The following ZC3H14 variants were observed in gnomAD, a reference collection of about 807,000 sequenced individuals.
The protein encoded by ZC3H14 is zinc finger CCCH domain-containing protein 14.
A neutral mutation model predicts 92.4 loss-of-function variants in ZC3H14; 31 were observed. That is an observed-to-expected ratio of 0.34 (90% CI 0.25 to 0.45). The LOEUF is 0.45. Among genes scored for constraint, ZC3H14 ranks in the 20% least tolerant of loss-of-function variants. The pLI is 1.00. For missense variants in ZC3H14, 781 were observed against 897.3 expected (o/e 0.87, Z 1.66); for synonymous variants, 321 against 300.9 (o/e 1.07, Z -0.69).
intron 9 of ZC3H14, chr14:88,594,555 CT>C: frequency 1.4e-6 from 2 of 1,455,602 alleles, no homozygotes; most frequent in Non-Finnish European, 9.0e-7. Context: ...ACAACCCCAT[CT>C]TTTGAATTAC....
At position 88,620,917 on chromosome 14, in the gene ZC3H14, T is replaced by C; in HGVS notation, c.*9166T>C. On this transcript the variant is annotated 3_prime_UTR_variant, in exon 17 of 17. Coordinates refer to ENST00000251038, the MANE Select transcript of ZC3H14 (RefSeq NM_024824.5). This position sits in a 1 kb window ranked among gnomAD's most constrained non-coding sequence, Gnocchi z 4.3. ...GCAGCATGTCCCAAATTCACTTTGTTTAACATCTTCTGCATTTAAAAAAAA... is the reference window on the plus strand; with the variant it reads ...GCAGCATGTCCCAAATTCACTTTGTCTAACATCTTCTGCATTTAAAAAAAA... 2 of 1,503,660 alleles carry C rather than the reference T, an allele frequency of 1.3e-6. No individual in the cohort carries two copies. Among genetic ancestry groups the C allele is most frequent in the Non-Finnish European group, 1.8e-6 (2 of 1,133,938 alleles). 93.1% of individuals were successfully genotyped at this position (1,503,660 alleles called of 1,614,324 possible). A position where few individuals can be genotyped will look rare whatever the true frequency, so the allele number is the denominator to read the frequency against.
chr14:88,600,045 CA>C (rs994357521), intron 10 of ZC3H14, among the ~76,000 whole-genome samples: 1 of 152,238 alleles, frequency 6.6e-6, no homozygotes, highest in African/African-American at 2.4e-5. Context: ...ACCTACAGGT[CA>C]AATCTGAATT....
intron 13 of ZC3H14, among the ~76,000 whole-genome samples, chr14:88,607,640 C>G (rs1452477604): frequency 7.0e-6 from 1 of 142,304 alleles, no homozygotes; most frequent in Non-Finnish European, 1.5e-5. Flanking sequence ...CAAGTGAGTA[C>G]CATCCCTGCA....
intron 12 of ZC3H14, among the ~76,000 whole-genome samples, chr14:88,604,981 A>G (rs1566973175): frequency 1.3e-5 from 2 of 152,216 alleles, no homozygotes; most frequent in Admixed American, 6.5e-5. Flanking sequence ...GCCAGTGAAG[A>G]CTAGGGGCAT....
chr14:88,577,464 T>C (rs1347797298), intron 8 of ZC3H14, among the ~76,000 whole-genome samples: 1 of 151,780 alleles, frequency 6.6e-6, no homozygotes, highest in Non-Finnish European at 1.5e-5. Context: ...GGATATTGTT[T>C]ACATATGTTT....
In ZC3H14 at chr14:88,563,067, G is replaced by A. The variant is rs1284361095; in HGVS notation, c.-67G>A. 9 of 1,539,318 alleles carry A rather than the reference G, an allele frequency of 5.8e-6. No individual in the cohort carries two copies. Among genetic ancestry groups the A allele is most frequent in the Middle Eastern group, 2.0e-4 (1 of 4,904 alleles). ...CGGTGGTGTCCCGGCTGCGGGGTAGGAGTCCGCGGCAGCCTCCGGGTAAGC... is the reference window on the plus strand; with the variant it reads ...CGGTGGTGTCCCGGCTGCGGGGTAGAAGTCCGCGGCAGCCTCCGGGTAAGC... On this transcript the variant is annotated 5_prime_UTR_variant, in exon 1 of 17. Coordinates refer to ENST00000251038, the MANE Select transcript of ZC3H14 (RefSeq NM_024824.5).
rs775523031 is a variant in ZC3H14 at position 88,607,267 on chromosome 14, C to T, written c.1772C>T (p.Ala591Val). 14 of 1,613,918 alleles carry T rather than the reference C, an allele frequency of 8.7e-6. No individual in the cohort carries two copies. The highest frequency in any genetic ancestry group is 1.1e-5 in the Non-Finnish European group (13 of 1,179,972). ...GCTGAGATGAGTGAACTGAGTGTGG[C>T]ACAGAAACCAGAAAAACTTTTGGAG... Reference protein sequence around the residue: ...SNAEMSELSVAQKPEKLLERC... With the variant: ...SNAEMSELSVVQKPEKLLERC... The change falls in exon 13 of 17, where the codon GCA becomes GTA. Residue 591 changes from alanine (A) to valine (V), a missense_variant. Ala to Val is a moderately conservative substitution (Grantham distance 64). This residue lies in a region of ZC3H14 where 221 missense variants were observed against 304.7 expected (regional missense o/e 0.73). Transcript: ENST00000251038.
rs1296969481 is a variant in ZC3H14, at chr14:88,626,595, C to T, written c.*14844C>T. The T allele has an allele frequency of 1.3e-5, 6 of 470,696 alleles. No homozygotes were observed. Among genetic ancestry groups the T allele is most frequent in the East Asian group, 3.9e-5 (1 of 25,634 alleles). The allele number at this position is 470,696 out of a possible 1,614,324, so 29.2% of individuals were successfully genotyped here. A position where few individuals can be genotyped will look rare whatever the true frequency, so the allele number is the denominator to read the frequency against. On this transcript the variant is annotated 3_prime_UTR_variant, in exon 17 of 17. Coordinates refer to ENST00000251038, the MANE Select transcript of ZC3H14 (RefSeq NM_024824.5). ...TCGCACCATTGCACCCCAGCCCAGG[C>T]GACAGAGTGAGATACTGTGTCAAAA...
intron 9 of ZC3H14, among the ~76,000 whole-genome samples, chr14:88,581,402 T>TA (rs1267805240): frequency 2.0e-5 from 3 of 151,798 alleles, no homozygotes; most frequent in Admixed American, 6.6e-5. Context: ...CTACTAAAAA[T>TA]ACAAAAAAAT....
chr14:88,603,746 TACTC>T (rs2084948208), intron 12 of ZC3H14, among the ~76,000 whole-genome samples: 2 of 152,228 alleles, frequency 1.3e-5, no homozygotes, highest in Admixed American at 6.5e-5. Context: ...GAGGGATAAT[TACTC>T]AATCTTAAAA....
At chr14:88,578,171 C>G in intron 9 of ZC3H14, 31 bp downstream of exon 9, 3 of 1,611,556 alleles carry the variant, frequency 1.9e-6, no homozygotes, top group Non-Finnish European at 2.5e-6. Flanking sequence ...TCACTCTTTA[C>G]TACAGTTTTT....
In ZC3H14 at chr14:88,563,311, T is replaced by C. The variant is rs1378410911; in HGVS notation, c.36+142T>C. ...CCTGGCGGGCTGCGGCTCCTCCTCG[T>C]CCAGGCCGCCTCGGCCCTGGGGACA... On this transcript the variant is annotated intron_variant, in intron 1 of 16. Transcript: ENST00000251038. The C allele has an allele frequency of 3.9e-6, 6 of 1,520,920 alleles. No individual in the cohort carries two copies. The African/African-American group carries it at 8.3e-5, about 21-fold the overall frequency. 94.2% of individuals were successfully genotyped at this position (1,520,920 alleles called of 1,614,324 possible).
At chr14:88,607,905 T>TAC (rs2085795733) in intron 13 of ZC3H14, among the ~76,000 whole-genome samples, 1 of 40,860 alleles carries the variant, frequency 2.4e-5, no homozygotes, top group African/African-American at 9.9e-5. Context: ...CCTGCAAGTA[T>TAC]CATCCCCCAC....
chr14:88,627,566 A>G lies in ZC3H14; in HGVS notation c.*15815A>G. On this transcript the variant is annotated 3_prime_UTR_variant, in exon 17 of 17. Transcript: ENST00000251038. ...AATGATTGTTTCAACCACCAACTTT[A>G]AGACAAATATTAAATACAGAATTCC... 7.1e-7 allele frequency: 1 copy of G among 1,407,352 alleles called. No homozygotes were observed. Among genetic ancestry groups the G allele is most frequent in the South Asian group, 1.4e-5 (1 of 69,244 alleles). 87.2% of individuals were successfully genotyped at this position (1,407,352 alleles called of 1,614,324 possible). A position where few individuals can be genotyped will look rare whatever the true frequency, so the allele number is the denominator to read the frequency against.
At chr14:88,607,952 AATTG>A (rs1477069570) in intron 13 of ZC3H14, among the ~76,000 whole-genome samples, 7 of 33,724 alleles carry the variant, frequency 2.1e-4, no homozygotes, top group South Asian at 1.3e-3. Context: ...CTCACCCTGC[AATTG>A]AGTACCATCC....
Position 88,592,030 on chromosome 14 carries a change from G to A in ZC3H14, c.1280-4704G>A, listed in dbSNP as rs2083197304. 2.6e-5 allele frequency: 4 copies of A among 152,182 alleles called. No individual in the cohort carries two copies. The South Asian group carries it at 8.3e-4, about 32-fold the overall frequency. 9.4% of individuals were successfully genotyped at this position (152,182 alleles called of 1,614,324 possible). A position where few individuals can be genotyped will look rare whatever the true frequency, so the allele number is the denominator to read the frequency against. On this transcript the variant is annotated intron_variant, in intron 9 of 16. Transcript: ENST00000251038. ...ATGTTAAAATACATAAGCTTTCTCT[G>A]CTGATGAATATTTACACTGGAGTCT...
At chr14:88,582,226 T>C (rs1177131621) in intron 9 of ZC3H14, among the ~76,000 whole-genome samples, 1 of 152,226 alleles carries the variant, frequency 6.6e-6, no homozygotes, top group Non-Finnish European at 1.5e-5. Flanking sequence ...ACCAGTTGTT[T>C]TGTGCCTCTT....
intron 5 of ZC3H14, 127 bp from the exon 6 acceptor site, chr14:88,572,451 T>C: frequency 7.9e-7 from 1 of 1,270,324 alleles, no homozygotes; most frequent in Middle Eastern, 2.0e-4. Flanking sequence ...AAAGCAGTTT[T>C]GAATGGAATA....
chr14:88,570,926 G>A (rs950320403), intron 3 of ZC3H14, among the ~76,000 whole-genome samples, 158 bp from the exon 4 acceptor site: 1 of 151,888 alleles, frequency 6.6e-6, no homozygotes, highest in African/African-American at 2.4e-5. Context: ...GACCAGCCTG[G>A]ACAACACAGT....
Sources: gnomAD v4.1 joint callset for allele counts (sites outside exome capture counted in the v4.1 genomes callset) on GRCh38, gnomAD v4.1.1 for gene constraint, gnomAD v4.1.1 regional missense constraint, Gnocchi (gnomAD v3.1) non-coding constraint, MANE v1.5 for transcripts, NCBI Gene and HGNC (gene_info 2026-07-23, HGNC 2026-07-21) for gene names.